Variants in ADAMTS13 observed in about 807,000 individuals in gnomAD.
ADAMTS13 encodes the protein A disintegrin and metalloproteinase with thrombospondin motifs 13.
Under a neutral mutation model 155.1 loss-of-function variants are expected in ADAMTS13, and 110 were observed. The observed-to-expected ratio is 0.71, with a 90% confidence interval of 0.61 to 0.83. The LOEUF (loss-of-function observed/expected upper bound fraction) is 0.83, where lower values mean the gene tolerates loss of function less well. Among genes scored for constraint, ADAMTS13 ranks in the 40% least tolerant of loss-of-function variants. The pLI is 0.00. For missense variants in ADAMTS13, 1,707 were observed against 1,891.7 expected, an observed-to-expected ratio of 0.90 and a Z score of 1.81; for synonymous variants, 758 against 756.4, an observed-to-expected ratio of 1.00 and a Z score of -0.03.
intron 6 of ADAMTS13, 24 bp from the exon 7 acceptor site, chr9:133,428,610 C>G: frequency 1.8e-6 from 2 of 1,084,246 alleles, no homozygotes; most frequent in South Asian, 2.7e-5. Context: ...GCCGCCTTAG[C>G]GCAACTCCCC....
chr9:133,453,218 CG>C (rs1564441550), intron 23 of ADAMTS13, among the ~76,000 whole-genome samples: 2 of 152,144 alleles, frequency 1.3e-5, no homozygotes, highest in African/African-American at 4.8e-5. Context: ...GGGCAGATCA[CG>C]AGGTCAGGAG....
intron 24 of ADAMTS13, among the ~76,000 whole-genome samples, chr9:133,454,834 G>C (rs144029202): frequency 4.5e-4 from 69 of 152,252 alleles, no homozygotes; most frequent in South Asian, 1.5e-3. Flanking sequence ...TTAGGTTTGG[G>C]GACGCTGGAA....
At chr9:133,421,750 C>A (rs1839967120), upstream of ADAMTS13, among the ~76,000 whole-genome samples, 1 of 152,184 alleles carries the variant, frequency 6.6e-6, no homozygotes, top group Admixed American at 6.5e-5. Flanking sequence ...TGTGTCCTCC[C>A]TGATCGCAGA....
At chr9:133,455,774 T>C (rs782635377) in intron 25 of ADAMTS13, 31 of 953,416 alleles carry the variant, frequency 3.3e-5, no homozygotes, top group Non-Finnish European at 4.6e-5. Flanking sequence ...TCCCTTTTAC[T>C]ACTATCAAGG....
At position 133,456,231 on chromosome 9, in the gene ADAMTS13, T is replaced by C; in HGVS notation, c.3547+16T>C. The C allele has an allele frequency of 6.2e-7, 1 of 1,613,278 alleles. No individual in the cohort carries two copies. The highest frequency in any genetic ancestry group is 1.3e-5 in the African/African-American group (1 of 75,054). On this transcript the variant is annotated intron_variant, in intron 26 of 28. Coordinates refer to ENST00000355699, the MANE Select transcript of ADAMTS13 (RefSeq NM_139027.6). The surrounding 1 kb of genome is among the most constrained non-coding windows in gnomAD (Gnocchi z 4.4). ...TGCAGTGCGGGTATGTCTAGGGCCA[T>C]GCAAGCGATGCTGCCAGTTATGGGC...
Position 133,449,442 on chromosome 9 carries a change from G to A in ADAMTS13, c.2862-341G>A, listed in dbSNP as rs587683493. ...CACAGCGGGAGGGGAGGAGGGGAGG[G>A]CTGGCGGGGTGGGCTCCAGGGCGGT... On this transcript the variant is annotated intron_variant, in intron 22 of 28. Transcript: ENST00000355699. 6.9e-4 allele frequency among the ~76,000 whole-genome samples: 103 copies of A among 148,546 alleles called. 1 individual carries two copies. The highest frequency in any genetic ancestry group is 5.2e-3 in the Admixed American group (77 of 14,802).
upstream of ADAMTS13, chr9:133,417,892 C>G (rs587732642): frequency 6.4e-7 from 1 of 1,554,954 alleles, no homozygotes; most frequent in Admixed American, 1.9e-5. Flanking sequence ...AGACCCCGGC[C>G]TCCCCGGGCC....
Position 133,448,704 on chromosome 9 carries a change from G to T in ADAMTS13, c.2837G>T (p.Cys946Phe). 6.2e-7 allele frequency: 1 copy of T among 1,603,296 alleles called. No individual in the cohort carries two copies. Residue 946 changes from cysteine to phenylalanine, a missense_variant, in exon 22 of 29, where the codon TGC (cysteine) becomes TTC (phenylalanine). Around this residue, in one of 3 missense-constraint regions of ADAMTS13, gnomAD observed 961 missense variants for 1,107.9 expected, o/e 0.87. Coordinates refer to ENST00000355699, the MANE Select transcript of ADAMTS13 (RefSeq NM_139027.6). ...AAGCCTGGGAGCCGGCGGGAGGTCT[G>T]CCAGGCTGTCCCGTGCCCTGCTCGG... ...ASKPGSRREV[C>F]QAVPCPARWQ... is the part of the protein sequence containing the mutation.
chr9:133,434,463 G>A lies in ADAMTS13; in HGVS notation c.1308+759G>A, dbSNP rs112055859. 6.6e-5 allele frequency among the ~76,000 whole-genome samples: 10 copies of A among 152,076 alleles called. 1 individual carries two copies. The highest frequency in any genetic ancestry group is 1.9e-4 in the African/African-American group (8 of 41,490). ...TGGGACTACAGGTGCCCGCCACCAC[G>A]CCCGGCTAATTTTTTGTATTTTTAG... On this transcript the variant is annotated intron_variant, in intron 11 of 28. Coordinates refer to ENST00000355699, the MANE Select transcript of ADAMTS13 (RefSeq NM_139027.6).
chr9:133,439,325 C>CTGTGAGGT, intron 14 of ADAMTS13, 41 bp from the exon 15 acceptor site: 1 of 1,439,168 alleles, frequency 6.9e-7, no homozygotes, highest in Non-Finnish European at 9.8e-7. Flanking sequence ...GGTGTGGTGG[C>CTGTGAGGT]TGTGAGGTCC....
At chr9:133,455,642 A>G in intron 25 of ADAMTS13, 2 of 1,595,918 alleles carry the variant, frequency 1.3e-6, no homozygotes, top group South Asian at 2.2e-5. Context: ...CAGCTGCTGC[A>G]GGAGGGGTGG....
chr9:133,434,593 G>T (rs587632476), intron 11 of ADAMTS13, among the ~76,000 whole-genome samples: 1 of 152,130 alleles, frequency 6.6e-6, no homozygotes, highest in East Asian at 1.9e-4. Flanking sequence ...GTGTCACTGC[G>T]CCTGGCCGAA....
chr9:133,429,751 C>G (rs1286875515), intron 7 of ADAMTS13, 188 bp from the exon 8 acceptor site: 3 of 808,346 alleles, frequency 3.7e-6, no homozygotes, highest in Non-Finnish European at 6.2e-6. Context: ...TCTGCGCCGG[C>G]AGGAGCCTTA....
At chr9:133,436,566 G>A (rs1194250558) in intron 11 of ADAMTS13, among the ~76,000 whole-genome samples, 1 of 152,158 alleles carries the variant, frequency 6.6e-6, no homozygotes, top group Non-Finnish European at 1.5e-5. Context: ...GGAAGCAGAG[G>A]CTCTGAGCGT....
chr9:133,440,644 T>C lies in ADAMTS13; in HGVS notation c.1968+119T>C. The stretch of plus-strand genomic sequence containing the variant: ...TTCATTTATTCATTCAGCGGTCACT[T>C]ACAGGGGACCCACTATGTGTTGGGC... On this transcript the variant is annotated intron_variant, in intron 16 of 28. Coordinates refer to ENST00000355699, the MANE Select transcript of ADAMTS13 (RefSeq NM_139027.6). This position sits in a 1 kb window ranked among gnomAD's most constrained non-coding sequence, Gnocchi z 4.3. 1.6e-6 allele frequency: 2 copies of C among 1,245,598 alleles called. No homozygotes were observed. Among genetic ancestry groups the C allele is most frequent in the Non-Finnish European group, 2.2e-6 (2 of 917,150 alleles). 77.2% of individuals were successfully genotyped at this position (1,245,598 alleles called of 1,614,324 possible).
In ADAMTS13 at chr9:133,449,803, C is replaced by T. The variant is rs1842317044; in HGVS notation, c.2882C>T (p.Ala961Val). Residue 961 changes from alanine (A) to valine (V), a missense_variant, in exon 23 of 29, where the codon GCC (alanine) becomes GTC (valine). Transcript: ENST00000355699. ...TCCAGGTGGCAGTACAAGCTGGCGG[C>T]CTGCAGCGTGAGCTGTGGGAGAGGG... The part of the protein sequence containing the change: ...CPARWQYKLA[A>V]CSVSCGRGVV... 1.2e-6 allele frequency: 2 copies of T among 1,613,982 alleles called. No homozygotes were observed. Among genetic ancestry groups the T allele is most frequent in the South Asian group, 2.2e-5 (2 of 91,080 alleles).
chr9:133,417,667 G>C (rs1334117502), upstream of ADAMTS13: 1 of 1,613,972 alleles, frequency 6.2e-7, no homozygotes, highest in Non-Finnish European at 8.5e-7. Flanking sequence ...GGTGCCTTTG[G>C]AGGTCGCACC....
intron 28 of ADAMTS13, 71 bp downstream of exon 28, chr9:133,458,165 C>T: frequency 4.5e-6 from 7 of 1,554,308 alleles, no homozygotes; most frequent in East Asian, 2.3e-5. Context: ...GGCTAGGGGA[C>T]CCCCTTCAGT....
Position 133,443,481 on chromosome 9 carries a change from GC to G in ADAMTS13, c.2345del (p.Pro782GlnfsTer61). 6.3e-7 allele frequency: 1 copy of G among 1,589,710 alleles called. No individual in the cohort carries two copies. On this transcript the variant is annotated frameshift_variant, in exon 19 of 29. Coordinates refer to ENST00000355699, the MANE Select transcript of ADAMTS13 (RefSeq NM_139027.6). LOFTEE classifies it high-confidence loss of function. Reference protein sequence around the residue: ...EAQGSLLKTLPPARCRAGAQQ... With the variant: ...EAQGSLLKTLXPARCRAGAQQ... ...CCCAGGGCAGCCTCCTGAAGACATTGCCCCCAGCCCGGTGCAGAGCAGGGGC... is the reference window on the plus strand; with the variant it reads ...CCCAGGGCAGCCTCCTGAAGACATTGCCCCAGCCCGGTGCAGAGCAGGGGC...
Sources: allele counts gnomAD v4.1 joint callset (sites outside exome capture counted in the v4.1 genomes callset), GRCh38; gene constraint gnomAD v4.1.1; regional missense constraint gnomAD v4.1.1; non-coding constraint Gnocchi (gnomAD v3.1); transcripts MANE v1.5; gene names NCBI Gene and HGNC (gene_info 2026-07-23, HGNC 2026-07-21).